The following ITGA9 variants were observed in gnomAD, a reference collection of about 807,000 sequenced individuals.
ITGA9 encodes the protein integrin subunit alpha 9, also known as integrin alpha-9.
A neutral mutation model predicts 127.8 loss-of-function variants in ITGA9; 56 were observed. The observed-to-expected ratio is 0.44, with a 90% CI of 0.35 to 0.55. ITGA9 has a LOEUF of 0.55. Ranked by LOEUF, ITGA9 falls within the 20% of genes least tolerant of loss-of-function variation. ITGA9 has a pLI of 0.00. For synonymous variants in ITGA9, 508 were observed against 514.5 expected, an observed-to-expected ratio of 0.99 and a Z score of 0.17; for missense variants, 1,196 against 1,347.1, an observed-to-expected ratio of 0.89 and a Z score of 1.76.
At chr3:37,731,862 T>G (rs1696296470) in intron 18 of ITGA9, among the ~76,000 whole-genome samples, 1 of 152,256 alleles carries the variant, frequency 6.6e-6, no homozygotes, top group Admixed American at 6.5e-5. Context: ...TTTTACCAGT[T>G]GGACACAAAA....
intron 7 of ITGA9, among the ~76,000 whole-genome samples, chr3:37,507,717 G>A (rs1559523049): frequency 6.6e-6 from 1 of 152,140 alleles, no homozygotes; most frequent in Non-Finnish European, 1.5e-5. Flanking sequence ...CCCAGGGATT[G>A]GGGCTAGTAC....
intron 5 of ITGA9, among the ~76,000 whole-genome samples, chr3:37,502,862 C>G (rs756581734): frequency 6.6e-6 from 1 of 152,128 alleles, no homozygotes; most frequent in Non-Finnish European, 1.5e-5. Flanking sequence ...AGCTGTTTGT[C>G]ATTTCCTTGT....
rs573116662 is a variant in ITGA9, at chr3:37,529,272, G to A, written c.1373+3201G>A. 3.9e-5 allele frequency among the ~76,000 whole-genome samples: 6 copies of A among 152,314 alleles called. No homozygotes were observed. The South Asian group carries it at 1.2e-3, about 32-fold the overall frequency. ...AGATCTTATTAATATAAAAGGGAAG[G>A]TGATTCCAGATGGTGGTAGGTGCTG... On this transcript the variant is annotated intron_variant, in intron 13 of 27. Transcript: ENST00000264741.
In ITGA9 at chr3:37,818,888, C is replaced by A; in HGVS notation, c.3010-3C>A. The A allele has an allele frequency of 6.2e-7, 1 of 1,610,498 alleles. No homozygotes were observed. The highest frequency in any genetic ancestry group is 8.5e-7 in the Non-Finnish European group (1 of 1,176,732). On this transcript the variant is annotated splice_polypyrimidine_tract_variant and splice_region_variant and intron_variant, in intron 27 of 27. Transcript: ENST00000264741. ...TCAGCTTCTCTTTCTTTCTGCCTTTCAGATGGGCTTCTTTCGCCGAAGGTA... is the reference window on the plus strand; with the variant it reads ...TCAGCTTCTCTTTCTTTCTGCCTTTAAGATGGGCTTCTTTCGCCGAAGGTA...
chr3:37,522,189 C>T (rs1351424828), intron 11 of ITGA9, among the ~76,000 whole-genome samples: 1 of 152,054 alleles, frequency 6.6e-6, no homozygotes. Flanking sequence ...CAAAGCATTT[C>T]TCTTGTCCTC....
intron 16 of ITGA9, among the ~76,000 whole-genome samples, chr3:37,641,455 G>A (rs1700332930): frequency 6.6e-6 from 1 of 152,122 alleles, no homozygotes; most frequent in South Asian, 2.1e-4. Flanking sequence ...GCCCAAAGAT[G>A]CCTGTTAGTC....
intron 19 of ITGA9, among the ~76,000 whole-genome samples, chr3:37,735,671 A>C (rs1696352119): frequency 6.6e-6 from 1 of 152,130 alleles, no homozygotes; most frequent in Non-Finnish European, 1.5e-5. Flanking sequence ...TGTGACCCCT[A>C]CCCAAGGGTT....
intron 15 of ITGA9, among the ~76,000 whole-genome samples, chr3:37,609,283 T>G (rs543491924): frequency 6.6e-6 from 1 of 152,278 alleles, no homozygotes; most frequent in African/African-American, 2.4e-5. Context: ...TTTACCTCAC[T>G]TTGTGTCTTT....
intron 15 of ITGA9, among the ~76,000 whole-genome samples, chr3:37,614,396 C>T (rs1029367368): frequency 2.0e-4 from 31 of 152,094 alleles, no homozygotes; most frequent in Admixed American, 7.9e-4. Flanking sequence ...AGTCAGGTAG[C>T]GTGATGCCTC....
intron 22 of ITGA9, chr3:37,745,971 A>C (rs1696495100): frequency 6.6e-6 from 1 of 152,212 alleles, no homozygotes; most frequent in Non-Finnish European, 1.5e-5. Context: ...TGAAAGATTG[A>C]TAGTGTGTGC....
chr3:37,670,084 G>GA (rs1386121285), intron 17 of ITGA9, among the ~76,000 whole-genome samples: 3 of 146,482 alleles, frequency 2.0e-5, no homozygotes, highest in South Asian at 2.2e-4. Context: ...TTTTTTCCAA[G>GA]AAAAAAAAGA....
At chr3:37,480,489 A>T (rs1237657060) in intron 3 of ITGA9, among the ~76,000 whole-genome samples, 1 of 152,160 alleles carries the variant, frequency 6.6e-6, no homozygotes, top group East Asian at 1.9e-4. Flanking sequence ...CTGCCTGGCA[A>T]AACCAGCCAC....
intron 23 of ITGA9, among the ~76,000 whole-genome samples, chr3:37,751,016 A>C (rs947994102): frequency 2.6e-5 from 4 of 152,278 alleles, no homozygotes; most frequent in Non-Finnish European, 4.4e-5. Flanking sequence ...CTTGAAAATC[A>C]GGGCAGCAAG....
At chr3:37,495,922 G>C (rs1229650332) in intron 5 of ITGA9, among the ~76,000 whole-genome samples, 2 of 152,172 alleles carry the variant, frequency 1.3e-5, no homozygotes, top group Admixed American at 1.3e-4. Flanking sequence ...AGTCCATGGA[G>C]GATTACAATG....
intron 26 of ITGA9, among the ~76,000 whole-genome samples, chr3:37,789,474 G>A (rs534268386): frequency 4.7e-4 from 72 of 151,984 alleles, no homozygotes; most frequent in African/African-American, 1.6e-3. Flanking sequence ...AAGAGTATGC[G>A]CTCAGCCAGG....
intron 14 of ITGA9, among the ~76,000 whole-genome samples, chr3:37,541,444 T>C (rs769796437): frequency 5.9e-5 from 9 of 152,256 alleles, no homozygotes; most frequent in East Asian, 1.9e-4. Context: ...CATATTTCTA[T>C]AATGAAATAC....
rs1559599638 is a variant in ITGA9 at position 37,790,306 on chromosome 3, TAG to T, written c.2889+5232_2889+5233del. The T allele has an allele frequency of 5.6e-6, 3 of 535,922 alleles. No individual in the cohort carries two copies. In the East Asian group the frequency reaches 1.5e-4, roughly 27 times the overall value. 33.2% of individuals were successfully genotyped at this position (535,922 alleles called of 1,614,324 possible). ...AGCAATCTCTCCCTTAATTTCTGGA[TAG>T]AGACTAATCTGCTCTCACAGGAGGC... On this transcript the variant is annotated intron_variant, in intron 26 of 27. Coordinates refer to ENST00000264741, the MANE Select transcript of ITGA9 (RefSeq NM_002207.3).
chr3:37,740,394 A>G (rs1195847919), intron 20 of ITGA9, among the ~76,000 whole-genome samples: 1 of 152,214 alleles, frequency 6.6e-6, no homozygotes, highest in Non-Finnish European at 1.5e-5. Flanking sequence ...CCCAAGGAAT[A>G]ATGATCACAA....
chr3:37,743,852 C>A, intron 21 of ITGA9, 74 bp from the exon 22 acceptor site: 1 of 1,004,916 alleles, frequency 1.0e-6, no homozygotes, highest in Non-Finnish European at 1.6e-6. Context: ...CAAATGTTTG[C>A]TTCTCAGAAT....
Sources: allele counts gnomAD v4.1 joint callset (sites outside exome capture counted in the v4.1 genomes callset), GRCh38; gene constraint gnomAD v4.1.1; transcripts MANE v1.5; gene names NCBI Gene and HGNC (gene_info 2026-07-23, HGNC 2026-07-21).